Variants in OXR1 observed in about 807,000 individuals in gnomAD.
The protein encoded by OXR1 is oxidation resistance 1.
Under a neutral mutation model 104.6 loss-of-function variants are expected in OXR1, and 41 were observed. The ratio of observed to expected loss-of-function variants is 0.39; its 90% CI spans 0.31 to 0.51. The LOEUF is 0.51. OXR1 is among the 20% of genes least tolerant of loss of function. OXR1 has a pLI of 0.77. For synonymous variants in OXR1, 348 were observed against 348.4 expected (o/e 1.00, Z 0.01); for missense variants, 955 against 1,031.9 (o/e 0.93, Z 1.02).
rs141996564 is a variant in OXR1 at position 106,612,869 on chromosome 8, G to A, written c.221-66341G>A. On this transcript the variant is annotated intron_variant, in intron 3 of 16. Coordinates refer to ENST00000517566, the MANE Select transcript of OXR1 (RefSeq NM_001198533.2). ...TTACAGGTGATGAAACTGAGAGGCAGGTGGGTTAAGTAATTGGCCCTACAC... is the reference window on the plus strand; with the variant it reads ...TTACAGGTGATGAAACTGAGAGGCAAGTGGGTTAAGTAATTGGCCCTACAC... Among the ~76,000 whole-genome samples, 9 of 152,228 alleles carry A rather than the reference G, an allele frequency of 5.9e-5. No individual in the cohort carries two copies. In the East Asian group the frequency reaches 1.5e-3, roughly 26 times the overall value.
chr8:106,387,705 A>G (rs1301268579), intron 2 of OXR1, among the ~76,000 whole-genome samples: 1 of 152,190 alleles, frequency 6.6e-6, no homozygotes, highest in Non-Finnish European at 1.5e-5. Context: ...ATAGTATTTA[A>G]TTTCAAATAG....
chr8:106,632,333 T>C (rs539542595), intron 3 of OXR1, among the ~76,000 whole-genome samples: 1 of 152,356 alleles, frequency 6.6e-6, no homozygotes, highest in Non-Finnish European at 1.5e-5. Flanking sequence ...GGACAGTTTT[T>C]GGAAAACTGT....
At chr8:106,353,298 G>A (rs1277850623) in intron 1 of OXR1, among the ~76,000 whole-genome samples, 2 of 151,992 alleles carry the variant, frequency 1.3e-5, no homozygotes, top group Non-Finnish European at 2.9e-5. Flanking sequence ...GCAGTGAGTC[G>A]AGATCACGCC....
intron 2 of OXR1, among the ~76,000 whole-genome samples, chr8:106,384,296 C>T (rs1299033067): frequency 6.6e-6 from 1 of 152,162 alleles, no homozygotes; most frequent in Non-Finnish European, 1.5e-5. Context: ...AATAGGCGTG[C>T]TTATGATCAC....
At chr8:106,305,331 C>G (rs1813424061) in intron 1 of OXR1, among the ~76,000 whole-genome samples, 1 of 152,046 alleles carries the variant, frequency 6.6e-6, no homozygotes, top group Non-Finnish European at 1.5e-5. Context: ...GCTTAAGGTC[C>G]ATCATGGGTG....
chr8:106,421,760 A>T (rs1229851705), intron 2 of OXR1, among the ~76,000 whole-genome samples: 4 of 77,006 alleles, frequency 5.2e-5, no homozygotes, highest in African/African-American at 2.9e-4. Context: ...TCCATTGGCC[A>T]AAGCAAGTTA....
At chr8:106,325,131 T>C (rs935648920) in intron 1 of OXR1, among the ~76,000 whole-genome samples, 6 of 152,218 alleles carry the variant, frequency 3.9e-5, no homozygotes, top group African/African-American at 7.2e-5. Flanking sequence ...GAAGAGACTC[T>C]TGGGAAGAAT....
At chr8:106,418,230 T>C (rs776892654) in intron 2 of OXR1, among the ~76,000 whole-genome samples, 30 of 152,140 alleles carry the variant, frequency 2.0e-4, no homozygotes, top group Non-Finnish European at 3.8e-4. Context: ...TTGTAAACTT[T>C]AGTTTTTTAT....
chr8:106,734,972 G>A (rs1042277289), intron 11 of OXR1, among the ~76,000 whole-genome samples: 3 of 152,144 alleles, frequency 2.0e-5, no homozygotes, highest in Non-Finnish European at 4.4e-5. Context: ...ATAATTCAGA[G>A]CGTGATAAGG....
intron 1 of OXR1, among the ~76,000 whole-genome samples, chr8:106,331,335 T>G (rs920536462): frequency 2.0e-5 from 3 of 152,234 alleles, no homozygotes; most frequent in African/African-American, 7.2e-5. Flanking sequence ...ATGAAATGTT[T>G]GAAAAGTTGC....
At chr8:106,430,192 G>C (rs1819303897) in intron 2 of OXR1, among the ~76,000 whole-genome samples, 1 of 152,076 alleles carries the variant, frequency 6.6e-6, no homozygotes, top group Admixed American at 6.6e-5. Context: ...AAAATTGAAA[G>C]GAACTTTATG....
At chr8:106,346,244 G>T (rs112473470) in intron 1 of OXR1, among the ~76,000 whole-genome samples, 1 of 152,104 alleles carries the variant, frequency 6.6e-6, no homozygotes, top group East Asian at 1.9e-4. Context: ...AGAATATTAC[G>T]CATCCAAAGA....
intron 2 of OXR1, among the ~76,000 whole-genome samples, chr8:106,467,974 A>G (rs1241178381): frequency 6.6e-6 from 1 of 151,924 alleles, no homozygotes; most frequent in Admixed American, 6.6e-5. Context: ...AGGGAAAAGT[A>G]TGTTTAGAGC....
At chr8:106,287,532 T>C (rs1024541582) in intron 1 of OXR1, among the ~76,000 whole-genome samples, 13 of 152,102 alleles carry the variant, frequency 8.5e-5, no homozygotes, top group Non-Finnish European at 4.4e-5. Context: ...AAAAGTGCAA[T>C]AAACACCAAT....
intron 3 of OXR1, among the ~76,000 whole-genome samples, chr8:106,604,381 C>T (rs1300107184): frequency 6.6e-6 from 1 of 152,140 alleles, no homozygotes; most frequent in Admixed American, 6.5e-5. Context: ...GTCTCAAACT[C>T]CTGACCTCAA....
intron 2 of OXR1, among the ~76,000 whole-genome samples, chr8:106,418,978 T>C (rs1263618281): frequency 6.6e-6 from 1 of 152,178 alleles, no homozygotes; most frequent in Non-Finnish European, 1.5e-5. Flanking sequence ...AAAATGCTCA[T>C]AACCAACGCT....
intron 2 of OXR1, among the ~76,000 whole-genome samples, chr8:106,391,085 A>T: frequency 6.6e-6 from 1 of 152,222 alleles, no homozygotes; most frequent in East Asian, 1.9e-4. Context: ...TGAAGTCTTC[A>T]AAATAATTGG....
At chr8:106,476,586 G>A (rs991946110) in intron 2 of OXR1, among the ~76,000 whole-genome samples, 1 of 151,752 alleles carries the variant, frequency 6.6e-6, no homozygotes, top group Admixed American at 6.6e-5. Flanking sequence ...GTCCTTTGTG[G>A]CATTTTTCCC....
intron 1 of OXR1, among the ~76,000 whole-genome samples, chr8:106,334,898 T>A (rs781184508): frequency 6.6e-6 from 1 of 152,194 alleles, no homozygotes; most frequent in Non-Finnish European, 1.5e-5. Context: ...AATCCTTCAG[T>A]GGTTCGGCAT....
Sources: allele counts gnomAD v4.1 joint callset (sites outside exome capture counted in the v4.1 genomes callset), GRCh38; gene constraint gnomAD v4.1.1; transcripts MANE v1.5; gene names NCBI Gene and HGNC (gene_info 2026-07-23, HGNC 2026-07-21).